Variants in AFG2A observed in about 807,000 individuals in gnomAD.
AFG2A encodes the protein AAA ATPase AFG2A.
chr4:123,158,301 G>A, the AFG2A span, among the ~76,000 whole-genome samples: 1 of 152,152 alleles, frequency 6.6e-6, no homozygotes, highest in Non-Finnish European at 1.5e-5. Flanking sequence ...TAAAAGTGTG[G>A]GGATCCTCTT....
chr4:123,282,116 T>C, the AFG2A span, among the ~76,000 whole-genome samples: 1 of 152,178 alleles, frequency 6.6e-6, no homozygotes, highest in Admixed American at 6.6e-5. Flanking sequence ...GCTGTGTGTA[T>C]GTGAGGGCAA....
the AFG2A span, among the ~76,000 whole-genome samples, chr4:123,153,815 A>G: frequency 6.6e-6 from 1 of 152,216 alleles, no homozygotes; most frequent in Non-Finnish European, 1.5e-5. Context: ...GGAAAAAGAA[A>G]AAACAAACCC....
chr4:123,083,752 TTATGGGCAA>T, the AFG2A span, among the ~76,000 whole-genome samples: 1 of 151,990 alleles, frequency 6.6e-6, no homozygotes, highest in Non-Finnish European at 1.5e-5. Context: ...GCATCTATGT[TTATGGGCAA>T]TATTTGTCTG....
chr4:123,064,628 G>C, the AFG2A span, among the ~76,000 whole-genome samples: 3 of 152,184 alleles, frequency 2.0e-5, no homozygotes, highest in African/African-American at 7.2e-5. Flanking sequence ...GACATGTAGG[G>C]TTGGCCCAGT....
At chr4:122,934,347 T>G in the AFG2A span, 1 of 1,614,078 alleles carries the variant, frequency 6.2e-7, no homozygotes, top group South Asian at 1.1e-5. Flanking sequence ...GAAGTACTCC[T>G]TATAAACCAA....
chr4:123,100,963 G>A, the AFG2A span, among the ~76,000 whole-genome samples: 2 of 151,860 alleles, frequency 1.3e-5, no homozygotes, highest in African/African-American at 2.4e-5. Context: ...AAGGCTTTAG[G>A]CCATAGGAAT....
chr4:123,006,970 G>A, the AFG2A span, among the ~76,000 whole-genome samples: 3,224 of 150,448 alleles, frequency 0.021, 62 homozygotes, highest in Non-Finnish European at 0.035. Flanking sequence ...TTTGTAAAAG[G>A]AAACCATGGT....
At chr4:123,001,821 T>C in the AFG2A span, among the ~76,000 whole-genome samples, 134,347 of 150,190 alleles carry the variant, frequency 0.89, 60,319 homozygotes, top group East Asian at 0.96. Flanking sequence ...CTATTAGGTC[T>C]GCTTGGTGCA....
chr4:123,201,876 G>A, the AFG2A span, among the ~76,000 whole-genome samples: 7 of 151,930 alleles, frequency 4.6e-5, no homozygotes, highest in Admixed American at 4.6e-4. Flanking sequence ...GGGCTGAGAT[G>A]ATGCCGCTGC....
At chr4:122,996,432 G>C in the AFG2A span, among the ~76,000 whole-genome samples, 1 of 152,078 alleles carries the variant, frequency 6.6e-6, no homozygotes, top group Admixed American at 6.6e-5. Context: ...TTCAGAAATA[G>C]TTCTTTTGCC....
the AFG2A span, among the ~76,000 whole-genome samples, chr4:123,248,665 A>G: frequency 6.6e-6 from 1 of 152,212 alleles, no homozygotes; most frequent in Non-Finnish European, 1.5e-5. Context: ...TATGGTAAGA[A>G]GCAGGGAGAG....
the AFG2A span, among the ~76,000 whole-genome samples, chr4:123,083,803 G>A: frequency 1.3e-5 from 2 of 151,810 alleles, no homozygotes; most frequent in South Asian, 2.1e-4. Flanking sequence ...TGTTCGTTTG[G>A]TTTTGGTATT....
At chr4:123,185,024 T>G in the AFG2A span, among the ~76,000 whole-genome samples, 1 of 152,190 alleles carries the variant, frequency 6.6e-6, no homozygotes, top group African/African-American at 2.4e-5. Context: ...ATCTTAAAAC[T>G]CAGGTCTCGT....
At chr4:122,937,598 A>G in the AFG2A span, among the ~76,000 whole-genome samples, 2 of 152,218 alleles carry the variant, frequency 1.3e-5, no homozygotes, top group Non-Finnish European at 2.9e-5. Context: ...TTTGAAAACT[A>G]GTGGTACACC....
the AFG2A span, among the ~76,000 whole-genome samples, chr4:123,175,731 G>T: frequency 1.3e-5 from 2 of 152,148 alleles, no homozygotes; most frequent in Non-Finnish European, 2.9e-5. Flanking sequence ...GTGGGGTTGA[G>T]GACAACTTAA....
chr4:123,185,107 C>T, the AFG2A span, among the ~76,000 whole-genome samples: 1 of 152,174 alleles, frequency 6.6e-6, no homozygotes, highest in East Asian at 1.9e-4. Context: ...CTCACTCACC[C>T]CTTCCCAGAA....
the AFG2A span, among the ~76,000 whole-genome samples, chr4:123,271,351 G>C: frequency 6.6e-6 from 1 of 152,104 alleles, no homozygotes; most frequent in Non-Finnish European, 1.5e-5. Flanking sequence ...GCCATCTTCT[G>C]GTTCTTTTCA....
the AFG2A span, among the ~76,000 whole-genome samples, chr4:123,023,081 T>C: frequency 1.3e-5 from 2 of 151,308 alleles, no homozygotes; most frequent in Non-Finnish European, 2.9e-5. Flanking sequence ...ATATACCTAA[T>C]GCTAAATGAT....
At chr4:123,004,292 C>T in the AFG2A span, among the ~76,000 whole-genome samples, 5 of 152,190 alleles carry the variant, frequency 3.3e-5, no homozygotes, top group African/African-American at 4.8e-5. Context: ...CTGCTTCGGC[C>T]GGCACACGGT....
Sources: gnomAD v4.1 joint callset for allele counts (sites outside exome capture counted in the v4.1 genomes callset) on GRCh38, gnomAD v4.1.1 for gene constraint, MANE v1.5 for transcripts, NCBI Gene and HGNC (gene_info 2026-07-23, HGNC 2026-07-21) for gene names.